The following NLGN1 variants were observed in gnomAD, a reference collection of about 807,000 sequenced individuals.
NLGN1 encodes the protein neuroligin-1.
In NLGN1, 12 loss-of-function variants were observed where a neutral mutation model predicts 65.5. The ratio of observed to expected loss-of-function variants is 0.18; its 90% CI spans 0.12 to 0.30. The LOEUF (loss-of-function observed/expected upper bound fraction) is 0.30. NLGN1 is among the 10% of genes least tolerant of loss of function. The pLI, the probability that NLGN1 is intolerant of heterozygous loss-of-function variation, is 1.00. For synonymous variants in NLGN1, 350 were observed against 359.5 expected (o/e 0.97, Z 0.30); for missense variants, 750 against 1,007.1 (o/e 0.74, Z 3.46).
intron 4 of NLGN1, among the ~76,000 whole-genome samples, chr3:174,227,812 G>A (rs1739999624): frequency 6.6e-6 from 1 of 152,034 alleles, no homozygotes; most frequent in South Asian, 2.1e-4. Context: ...AAATAATGAA[G>A]AAAGAAGTTA....
intron 3 of NLGN1, among the ~76,000 whole-genome samples, chr3:173,698,598 C>T (rs4894625): frequency 0.93 from 141,164 of 152,248 alleles, 65,484 homozygotes; most frequent in East Asian, 0.99. Context: ...TATTATGCCC[C>T]GTGGAATATA....
At chr3:173,900,849 G>T (rs555925538) in intron 4 of NLGN1, among the ~76,000 whole-genome samples, 1 of 152,082 alleles carries the variant, frequency 6.6e-6, no homozygotes, top group East Asian at 1.9e-4. Flanking sequence ...TACCCTGATA[G>T]AACCTCTGGT....
In NLGN1 at chr3:174,235,596, A is replaced by T. The variant is rs192441140; in HGVS notation, c.647-39719A>T. Among the ~76,000 whole-genome samples the T allele has an allele frequency of 4.8e-3, 725 of 152,192 alleles. 6 individuals carry two copies. Among genetic ancestry groups the T allele is most frequent in the Non-Finnish European group, 4.7e-3 (322 of 67,994 alleles). On this transcript the variant is annotated intron_variant, in intron 4 of 6. Transcript: ENST00000457714. ...AGACATAGAAAAAGTAAAACAGAGG[A>T]TCTGTTTTAATACAACACCCTTCTC...
chr3:173,852,583 A>G (rs1727189450), intron 4 of NLGN1, among the ~76,000 whole-genome samples: 1 of 152,066 alleles, frequency 6.6e-6, no homozygotes, highest in South Asian at 2.1e-4. Context: ...TATTCATTAA[A>G]TATCTTGTTG....
At chr3:173,874,018 C>A (rs757841765) in intron 4 of NLGN1, among the ~76,000 whole-genome samples, 3 of 152,146 alleles carry the variant, frequency 2.0e-5, no homozygotes, top group Non-Finnish European at 4.4e-5. Context: ...CACAGTGGGA[C>A]GATGGCCATC....
chr3:173,906,477 C>A (rs750659407), intron 4 of NLGN1, among the ~76,000 whole-genome samples: 1 of 151,862 alleles, frequency 6.6e-6, no homozygotes, highest in African/African-American at 2.4e-5. Context: ...AGAGATATCA[C>A]CCCTGCCCTG....
At chr3:173,649,206 A>G (rs1560105179) in intron 3 of NLGN1, among the ~76,000 whole-genome samples, 1 of 152,154 alleles carries the variant, frequency 6.6e-6, no homozygotes. Flanking sequence ...ATAGTAACAG[A>G]AAGAATATGA....
intron 4 of NLGN1, among the ~76,000 whole-genome samples, chr3:173,812,583 T>C (rs1046477157): frequency 6.6e-6 from 1 of 151,722 alleles, no homozygotes; most frequent in Non-Finnish European, 1.5e-5. Flanking sequence ...TTCAAAAAAT[T>C]AGCCAGGTGT....
At chr3:173,885,334 T>G (rs1227473717) in intron 4 of NLGN1, among the ~76,000 whole-genome samples, 1 of 152,160 alleles carries the variant, frequency 6.6e-6, no homozygotes, top group Non-Finnish European at 1.5e-5. Context: ...CTAGTTCATT[T>G]GAAGCACCTT....
At chr3:174,154,980 T>TAATATAATATATAATTATATATAA (rs1561174931) in intron 4 of NLGN1, among the ~76,000 whole-genome samples, 1,669 of 121,848 alleles carry the variant, frequency 0.014, 140 homozygotes, top group Middle Eastern at 0.038. Flanking sequence ...ATATAATATA[T>TAATATAATATATAATTATATATAA]TATATTATAT....
At chr3:173,411,735 A>G (rs1351564398) in intron 1 of NLGN1, among the ~76,000 whole-genome samples, 1 of 152,012 alleles carries the variant, frequency 6.6e-6, no homozygotes, top group Non-Finnish European at 1.5e-5. Context: ...ATATTATTCC[A>G]TGTGGGATTG....
At chr3:173,786,316 T>G (rs903640156) in intron 3 of NLGN1, among the ~76,000 whole-genome samples, 1 of 152,156 alleles carries the variant, frequency 6.6e-6, no homozygotes, top group African/African-American at 2.4e-5. Context: ...TCAGTTTTCT[T>G]TCCTTCTTTT....
chr3:173,566,249 C>T (rs1253686727), intron 2 of NLGN1, among the ~76,000 whole-genome samples: 3 of 152,146 alleles, frequency 2.0e-5, no homozygotes, highest in African/African-American at 7.2e-5. Context: ...AATATAGCTT[C>T]AGGATGGAGA....
intron 4 of NLGN1, among the ~76,000 whole-genome samples, chr3:173,969,997 T>C (rs1715836502): frequency 6.6e-6 from 1 of 151,972 alleles, no homozygotes; most frequent in South Asian, 2.1e-4. Context: ...AAGTGAACTC[T>C]ATACTAGTTC....
At chr3:173,824,189 C>T (rs760530236) in intron 4 of NLGN1, among the ~76,000 whole-genome samples, 3 of 152,004 alleles carry the variant, frequency 2.0e-5, no homozygotes, top group Non-Finnish European at 2.9e-5. Context: ...GAGCTGAATA[C>T]TTGTAAAATA....
At chr3:173,661,777 C>T (rs76494752) in intron 3 of NLGN1, among the ~76,000 whole-genome samples, 1,608 of 151,914 alleles carry the variant, frequency 0.011, 35 homozygotes, top group African/African-American at 0.036. Flanking sequence ...GGCCACTTAG[C>T]GAAAGTCGTT....
intron 3 of NLGN1, among the ~76,000 whole-genome samples, chr3:173,710,256 C>T (rs910091655): frequency 6.6e-6 from 1 of 152,072 alleles, no homozygotes; most frequent in Non-Finnish European, 1.5e-5. Context: ...TTTGTCCTTC[C>T]TTAATTCTAT....
chr3:173,731,318 A>G lies in NLGN1; in HGVS notation c.494-76362A>G, dbSNP rs544040800. ...GAAGAATGGAAAGAAAGATGGAGTT[A>G]CTTTATAATTTTGTTTCTAATATTT... On this transcript the variant is annotated intron_variant, in intron 3 of 6. Coordinates refer to ENST00000457714, the Ensembl canonical transcript of NLGN1. 4.1e-4 allele frequency among the ~76,000 whole-genome samples: 63 copies of G among 152,234 alleles called. 1 individual carries two copies. The South Asian group carries it at 0.013, about 31-fold the overall frequency.
intron 3 of NLGN1, among the ~76,000 whole-genome samples, chr3:173,672,862 T>C (rs1762632953): frequency 2.0e-5 from 3 of 152,176 alleles, no homozygotes; most frequent in African/African-American, 7.2e-5. Flanking sequence ...ACAGCAGAAG[T>C]GGTTATACAT....
Sources: gnomAD v4.1 joint callset for allele counts (sites outside exome capture counted in the v4.1 genomes callset) on GRCh38, gnomAD v4.1.1 for gene constraint, MANE v1.5 for transcripts, NCBI Gene and HGNC (gene_info 2026-07-23, HGNC 2026-07-21) for gene names.